The following ARL13B variants were observed in gnomAD, a reference collection of about 807,000 sequenced individuals.
ARL13B encodes the protein ADP-ribosylation factor-like protein 13B.
A neutral mutation model predicts 56.1 loss-of-function variants in ARL13B; 36 were observed. That is an observed-to-expected ratio of 0.64 (90% confidence interval 0.49 to 0.85). The LOEUF is 0.85. Ranked by LOEUF, ARL13B falls within the 40% of genes least tolerant of loss-of-function variation. The pLI is 0.00. For synonymous variants in ARL13B, 178 were observed against 171.1 expected, an observed-to-expected ratio of 1.04 and a Z score of -0.32; for missense variants, 519 against 507.1, an observed-to-expected ratio of 1.02 and a Z score of -0.23.
chr3:94,052,027 A>G (rs997388038), intron 9 of ARL13B, among the ~76,000 whole-genome samples: 10 of 151,982 alleles, frequency 6.6e-5, no homozygotes, highest in African/African-American at 1.2e-4. Context: ...CTGACTTGAC[A>G]TCGTGATGTT....
intron 1 of ARL13B, among the ~76,000 whole-genome samples, chr3:93,991,237 A>G (rs542179592): frequency 1.3e-5 from 2 of 152,316 alleles, no homozygotes; most frequent in East Asian, 3.9e-4. Flanking sequence ...TTCAATTTGA[A>G]GGGCTAATGT....
chr3:94,016,442 T>C (rs2076334911), intron 3 of ARL13B, among the ~76,000 whole-genome samples: 1 of 151,656 alleles, frequency 6.6e-6, no homozygotes, highest in African/African-American at 2.4e-5. Context: ...GAGGAATCTT[T>C]AGTATGTTGA....
Position 94,054,609 on chromosome 3 carries a change from C to A in ARL13B, c.*1346C>A, listed in dbSNP as rs1026456486. 5.3e-6 allele frequency: 2 copies of A among 377,144 alleles called. No homozygotes were observed. Among genetic ancestry groups the A allele is most frequent in the Middle Eastern group, 8.8e-4 (1 of 1,134 alleles). The allele number at this position is 377,144 out of a possible 1,614,324, so 23.4% of individuals were successfully genotyped here. ...TGCTAGTATCTGATAACATTAAGTA[C>A]ATTTTATGTCGTTTAATATAATTAT... On this transcript the variant is annotated 3_prime_UTR_variant, in exon 10 of 10. Transcript: ENST00000394222.
intron 6 of ARL13B, 97 bp from the exon 7 acceptor site, chr3:94,042,918 G>T: frequency 1.0e-6 from 1 of 977,888 alleles, no homozygotes; most frequent in Non-Finnish European, 1.5e-6. Context: ...TGTCCTTGAA[G>T]TTACAGAATC....
At position 94,054,557 on chromosome 3, in the gene ARL13B, G is replaced by A. The variant is rs569209313; in HGVS notation, c.*1294G>A. The A allele has an allele frequency of 3.2e-4, 129 of 397,136 alleles. No homozygotes were observed. The highest frequency in any genetic ancestry group is 2.6e-3 in the African/African-American group (126 of 47,654). 24.6% of individuals were successfully genotyped at this position (397,136 alleles called of 1,614,324 possible). On this transcript the variant is annotated 3_prime_UTR_variant, in exon 10 of 10. Transcript: ENST00000394222. ...CACCTTGTTAAGATTGGTGCTTTTG[G>A]TAACTTGTACTGACACAACAGACAT...
rs1249175278 is a variant in ARL13B, at chr3:94,043,110, A to G, written c.894A>G (p.Ile298Met). 6.2e-7 allele frequency: 1 copy of G among 1,613,700 alleles called. No individual in the cohort carries two copies. The highest frequency in any genetic ancestry group is 1.3e-5 in the African/African-American group (1 of 74,922). Reference sequence around the variant, plus strand: ...AACATAAAATGGAGCATGAGCAAATAGAGACACAAGGCCAGGTTAATCACA... The same window carrying G: ...AACATAAAATGGAGCATGAGCAAATGGAGACACAAGGCCAGGTTAATCACA... ...HLKHKMEHEQ[I>M]ETQGQVNHNG... Residue 298 changes from isoleucine to methionine, a missense_variant, in exon 7 of 10, where the codon ATA becomes ATG. Coordinates refer to ENST00000394222, the MANE Select transcript of ARL13B (RefSeq NM_001174150.2).
At chr3:93,995,768 T>A (rs1418471867) in intron 1 of ARL13B, 106 bp from the exon 2 acceptor site, 2 of 1,025,960 alleles carry the variant, frequency 1.9e-6, no homozygotes, top group Non-Finnish European at 2.9e-6. Context: ...TTTCTTGTGC[T>A]TAATAGGTGC....
rs575184070 is a variant in ARL13B at position 94,054,744 on chromosome 3, G to C, written c.*1481G>C. On this transcript the variant is annotated 3_prime_UTR_variant, in exon 10 of 10. Coordinates refer to ENST00000394222, the MANE Select transcript of ARL13B (RefSeq NM_001174150.2). ...TCTAGTCAGCACTGTATATATTCTT[G>C]GAGTTTGTACATGGGACTTAGCAAC... 1.4e-5 allele frequency: 6 copies of C among 420,202 alleles called. No individual in the cohort carries two copies. Among genetic ancestry groups the C allele is most frequent in the African/African-American group, 1.2e-4 (6 of 48,680 alleles). 26.0% of individuals were successfully genotyped at this position (420,202 alleles called of 1,614,324 possible). A position where few individuals can be genotyped will look rare whatever the true frequency, so the allele number is the denominator to read the frequency against.
At chr3:93,988,919 C>T (rs1348849346) in intron 1 of ARL13B, 10 of 316,050 alleles carry the variant, frequency 3.2e-5, no homozygotes, top group South Asian at 2.0e-4. Flanking sequence ...GCCACCCCTT[C>T]GGCTGAACTG....
At chr3:94,041,562 C>T (rs879818897) in intron 6 of ARL13B, among the ~76,000 whole-genome samples, 1 of 151,890 alleles carries the variant, frequency 6.6e-6, no homozygotes, top group Non-Finnish European at 1.5e-5. Context: ...CTTATACTAC[C>T]CAATTTTTAA....
At chr3:94,014,704 C>T in intron 3 of ARL13B, 2 of 1,612,850 alleles carry the variant, frequency 1.2e-6, no homozygotes, top group Non-Finnish European at 1.7e-6. Flanking sequence ...TTCCCATTTT[C>T]CTTGATGAAG....
chr3:93,982,232 T>G lies in ARL13B; in HGVS notation c.59+1750T>G, dbSNP rs185094079. Among the ~76,000 whole-genome samples, 23 of 152,352 alleles carry G rather than the reference T, an allele frequency of 1.5e-4. No individual in the cohort carries two copies. The East Asian group carries it at 3.5e-3, about 23-fold the overall frequency. On this transcript the variant is annotated intron_variant, in intron 1 of 9. Transcript: ENST00000394222. ...AAGAGTTCAGAGAAAGGAGAATGTA[T>G]TGATTTCCAAGTAGAACAGATAATT...
intron 2 of ARL13B, among the ~76,000 whole-genome samples, chr3:93,998,925 CTT>C (rs78985252): frequency 5.7e-5 from 8 of 141,348 alleles, no homozygotes; most frequent in Admixed American, 1.4e-4. Context: ...TCTCAGCCTT[CTT>C]TTTTTTTTTT....
At chr3:94,053,130 C>A in intron 9 of ARL13B, 57 bp from the exon 10 acceptor site, 1 of 1,412,558 alleles carries the variant, frequency 7.1e-7, no homozygotes, top group South Asian at 1.2e-5. Flanking sequence ...TGAACTGTGT[C>A]AAAAATCTTG....
intron 6 of ARL13B, among the ~76,000 whole-genome samples, chr3:94,040,352 C>T (rs1311406451): frequency 6.6e-6 from 1 of 152,032 alleles, no homozygotes; most frequent in Non-Finnish European, 1.5e-5. Flanking sequence ...CTGTTACTGT[C>T]CATCTGCAAT....
Position 94,007,186 on chromosome 3 carries a change from C to T in ARL13B, c.380+3278C>T, listed in dbSNP as rs546926911. ...CCCCCAATAACAAGCAAGCAGAAAA[C>T]AAGACCTCTGAAAAGCTTCATTTAA... On this transcript the variant is annotated intron_variant, in intron 3 of 9. Coordinates refer to ENST00000394222, the MANE Select transcript of ARL13B (RefSeq NM_001174150.2). Among the ~76,000 whole-genome samples, 4 of 152,238 alleles carry T rather than the reference C, an allele frequency of 2.6e-5. No individual in the cohort carries two copies. In the South Asian group the frequency reaches 6.2e-4, roughly 24 times the overall value.
In ARL13B at chr3:94,044,136, G is replaced by GC. The variant is rs566780997; in HGVS notation, c.1024+900dup. On this transcript the variant is annotated intron_variant, in intron 7 of 9. Coordinates refer to ENST00000394222, the MANE Select transcript of ARL13B (RefSeq NM_001174150.2). ...CCGCCCATCGTCTGGGATGTGAGGA[G>GC]CCCCTCTGCCCGGCTGCCCCATCTG... Among the ~76,000 whole-genome samples the GC allele has an allele frequency of 3.2e-4, 48 of 152,010 alleles. No individual in the cohort carries two copies. In the East Asian group the frequency reaches 8.6e-3, roughly 27 times the overall value.
At chr3:94,013,025 C>T (rs144563075) in intron 3 of ARL13B, among the ~76,000 whole-genome samples, 3 of 152,212 alleles carry the variant, frequency 2.0e-5, no homozygotes, top group Non-Finnish European at 4.4e-5. Context: ...CCTTGCTGAC[C>T]TTTCTTAACC....
At chr3:94,020,031 A>G (rs375866166) in intron 3 of ARL13B, among the ~76,000 whole-genome samples, 28 of 152,110 alleles carry the variant, frequency 1.8e-4, no homozygotes, top group African/African-American at 6.8e-4. Flanking sequence ...ATTTTTCACT[A>G]TTTAACATAC....
Sources: gnomAD v4.1 joint callset for allele counts (sites outside exome capture counted in the v4.1 genomes callset) on GRCh38, gnomAD v4.1.1 for gene constraint, MANE v1.5 for transcripts, NCBI Gene and HGNC (gene_info 2026-07-23, HGNC 2026-07-21) for gene names.